ANKRD27: variants seen among roughly 807,000 people sequenced by gnomAD.
The protein encoded by ANKRD27 is ankyrin repeat domain-containing protein 27.
Under a neutral mutation model 129.7 loss-of-function variants are expected in ANKRD27, and 112 were observed. That is an observed-to-expected ratio of 0.86 (90% confidence interval 0.74 to 1.01). ANKRD27 has a LOEUF of 1.01. Ranked by LOEUF, ANKRD27 falls within the 50% of genes least tolerant of loss-of-function variation. The pLI is 0.00. For missense variants in ANKRD27, 1,258 were observed against 1,300.5 expected, an observed-to-expected ratio of 0.97 and a Z score of 0.50; for synonymous variants, 516 against 511.2, an observed-to-expected ratio of 1.01 and a Z score of -0.13.
chr19:32,661,700 G>A (rs1031165450), intron 1 of ANKRD27, among the ~76,000 whole-genome samples: 2 of 152,014 alleles, frequency 1.3e-5, no homozygotes, highest in African/African-American at 4.8e-5. Flanking sequence ...ATTGGTTCTG[G>A]GATCCTCTTG....
intron 25 of ANKRD27, among the ~76,000 whole-genome samples, chr19:32,602,541 T>C (rs1971669271): frequency 6.6e-6 from 1 of 152,096 alleles, no homozygotes; most frequent in African/African-American, 2.4e-5. Context: ...GGAGGATTGC[T>C]TGAGCCCAGG....
At chr19:32,603,385 G>A (rs886315764) in intron 25 of ANKRD27, among the ~76,000 whole-genome samples, 2 of 152,130 alleles carry the variant, frequency 1.3e-5, no homozygotes, top group Non-Finnish European at 2.9e-5. Flanking sequence ...TCTATCTTGG[G>A]TAGAAAACAA....
intron 28 of ANKRD27, among the ~76,000 whole-genome samples, chr19:32,599,037 T>C (rs555275291): frequency 6.6e-6 from 1 of 152,240 alleles, no homozygotes; most frequent in South Asian, 2.1e-4. Flanking sequence ...CCCAGCACAC[T>C]GGGAGGCCAA....
At chr19:32,601,127 T>C (rs967844435) in intron 26 of ANKRD27, among the ~76,000 whole-genome samples, 3 of 148,690 alleles carry the variant, frequency 2.0e-5, no homozygotes, top group Non-Finnish European at 3.0e-5. Flanking sequence ...TGTGAAACCC[T>C]GTCTCTACTA....
At chr19:32,672,202 G>C (rs1967884208) in intron 1 of ANKRD27, among the ~76,000 whole-genome samples, 1 of 152,238 alleles carries the variant, frequency 6.6e-6, no homozygotes, top group African/African-American at 2.4e-5. Flanking sequence ...CAGATAAGCA[G>C]TATTCTCCAT....
rs1481379231 is a variant in ANKRD27 at position 32,662,314 on chromosome 19, A to AG, written c.-30-3270_-30-3269insC. On this transcript the variant is annotated intron_variant, in intron 1 of 28. Transcript: ENST00000306065. ...CAAAAGAGAAAGACTCAGTCTCCAA[A>AG]AAAAAAAAAAAAAAAAAAAAAAGGA... Among the ~76,000 whole-genome samples, 9 of 147,908 alleles carry AG rather than the reference A, an allele frequency of 6.1e-5. No homozygotes were observed. The South Asian group carries it at 1.9e-3, about 31-fold the overall frequency.
Position 32,620,885 on chromosome 19 carries a change from CAAAAAAAAAAAAA to C in ANKRD27, c.1828-1345_1828-1333del, listed in dbSNP as rs746859989. Among the ~76,000 whole-genome samples the C allele has an allele frequency of 4.0e-5, 3 of 75,302 alleles. 1 individual carries two copies. Among genetic ancestry groups the C allele is most frequent in the Admixed American group, 1.8e-4 (1 of 5,500 alleles). 49.4% of individuals were successfully genotyped at this position (75,302 alleles called of 152,430 possible). ...TGGGCAATACAGCCAAACCTTGTCT[CAAAAAAAAAAAAA>C]AAAAAAAAAAAAAGAGAACAGAAGT... On this transcript the variant is annotated intron_variant, in intron 18 of 28. Coordinates refer to ENST00000306065, the MANE Select transcript of ANKRD27 (RefSeq NM_032139.3).
rs1454154201 is a variant in ANKRD27 at position 32,649,991 on chromosome 19, G to A, written c.103-199C>T. On this transcript the variant is annotated intron_variant, in intron 2 of 28. Transcript: ENST00000306065. Reference sequence around the variant, plus strand: ...TGCTGCTGTTGTTGTTGTTGTTGCTGTTGTGATGGAATCAGCCTCACCCCA... The same window carrying A: ...TGCTGCTGTTGTTGTTGTTGTTGCTATTGTGATGGAATCAGCCTCACCCCA... 3.3e-5 allele frequency among the ~76,000 whole-genome samples: 5 copies of A among 152,140 alleles called. No homozygotes were observed. The East Asian group carries it at 9.7e-4, about 29-fold the overall frequency.
intron 12 of ANKRD27, among the ~76,000 whole-genome samples, chr19:32,633,846 A>G (rs377141787): frequency 6.6e-6 from 1 of 151,444 alleles, no homozygotes; most frequent in African/African-American, 2.4e-5. Context: ...AAATAGCGAG[A>G]CCTCATCTCT....
At chr19:32,619,227 T>C in intron 20 of ANKRD27, 33 bp downstream of exon 20, 1 of 1,598,194 alleles carries the variant, frequency 6.3e-7, no homozygotes, top group Non-Finnish European at 8.5e-7. Flanking sequence ...CGCCAAGGCC[T>C]CCCCTCCCCA....
At chr19:32,665,440 C>T (rs1967733280) in intron 1 of ANKRD27, among the ~76,000 whole-genome samples, 1 of 145,610 alleles carries the variant, frequency 6.9e-6, no homozygotes, top group African/African-American at 2.6e-5. Context: ...CAGGCACCCG[C>T]CACCACACCA....
chr19:32,643,743 G>A, intron 5 of ANKRD27, 112 bp from the exon 6 acceptor site: 2 of 1,055,806 alleles, frequency 1.9e-6, no homozygotes, highest in Non-Finnish European at 2.9e-6. Flanking sequence ...GCTTTATGAA[G>A]TCAATTACGT....
rs566317236 is a variant in ANKRD27, at chr19:32,629,427, C to T, written c.1210-578G>A. ...TAAAAAAACAATGACATGCCTGGAG[C>T]GGTGGCTCACGCCTATAATCCCAGC... On this transcript the variant is annotated intron_variant, in intron 13 of 28. Transcript: ENST00000306065. Among the ~76,000 whole-genome samples, 15 of 151,480 alleles carry T rather than the reference C, an allele frequency of 9.9e-5. No individual in the cohort carries two copies. In the South Asian group the frequency reaches 1.9e-3, roughly 19 times the overall value.
rs540887757 is a variant in ANKRD27, at chr19:32,621,094, T to G, written c.1827+1328A>C. On this transcript the variant is annotated intron_variant, in intron 18 of 28. Coordinates refer to ENST00000306065, the MANE Select transcript of ANKRD27 (RefSeq NM_032139.3). ...AGAGAAAACAAAAATAAAAACAAAT[T>G]CAAACTGTGCTACTCCAAGAATAAG... 6.6e-5 allele frequency among the ~76,000 whole-genome samples: 10 copies of G among 152,026 alleles called. No individual in the cohort carries two copies. The East Asian group carries it at 7.7e-4, about 12-fold the overall frequency.
At chr19:32,665,657 C>T (rs1233546643) in intron 1 of ANKRD27, among the ~76,000 whole-genome samples, 1 of 152,078 alleles carries the variant, frequency 6.6e-6, no homozygotes, top group African/African-American at 2.4e-5. Context: ...GATGGGGTTT[C>T]GCTGTGTTAG....
intron 1 of ANKRD27, among the ~76,000 whole-genome samples, chr19:32,669,940 G>A (rs1013833484): frequency 2.0e-5 from 3 of 150,752 alleles, no homozygotes; most frequent in Admixed American, 6.6e-5. Context: ...AGGTTGCAGC[G>A]AGCCGAGATG....
chr19:32,652,107 T>C (rs1599767142), intron 2 of ANKRD27, among the ~76,000 whole-genome samples: 2 of 152,162 alleles, frequency 1.3e-5, no homozygotes, highest in Non-Finnish European at 2.9e-5. Context: ...GGCTATCCCT[T>C]AGGGGGCTTC....
chr19:32,654,563 A>G (rs956229866), intron 2 of ANKRD27, among the ~76,000 whole-genome samples: 1 of 152,146 alleles, frequency 6.6e-6, no homozygotes, highest in Non-Finnish European at 1.5e-5. Flanking sequence ...CACGGACAAG[A>G]GGGGGCCGGC....
chr19:32,626,859 G>A (rs1280312594), intron 15 of ANKRD27, 32 bp from the exon 16 acceptor site: 1 of 1,526,176 alleles, frequency 6.6e-7, no homozygotes. Flanking sequence ...CGATGGAGAA[G>A]GAAGGCGCAG....
Sources: gnomAD v4.1 joint callset for allele counts (sites outside exome capture counted in the v4.1 genomes callset) on GRCh38, gnomAD v4.1.1 for gene constraint, MANE v1.5 for transcripts, NCBI Gene and HGNC (gene_info 2026-07-23, HGNC 2026-07-21) for gene names.